Variants in ATM observed in about 807,000 individuals in gnomAD.
The protein encoded by ATM is serine-protein kinase ATM.
ATM carries 308 observed loss-of-function variants against 387.0 expected under a neutral mutation model. That is an observed-to-expected ratio of 0.80 (90% CI 0.73 to 0.87). ATM has a LOEUF of 0.87. ATM is among the 40% of genes least tolerant of loss of function. The pLI is 0.00. For missense variants in ATM, 3,312 were observed against 3,560.9 expected (o/e 0.93, Z 1.78); for synonymous variants, 1,156 against 1,187.3 (o/e 0.97, Z 0.54).
intron 53 of ATM, among the ~76,000 whole-genome samples, chr11:108,333,544 T>C (rs2086509206): frequency 1.3e-5 from 2 of 152,242 alleles, no homozygotes; most frequent in Admixed American, 1.3e-4. Context: ...TGACATGTCT[T>C]TTAGTTGCAT....
rs1168425290 is a variant in ATM at position 108,235,788 on chromosome 11, T to A, written c.450T>A (p.Leu150=). The A allele has an allele frequency of 1.2e-6, 2 of 1,613,770 alleles. No individual in the cohort carries two copies. The highest frequency in any genetic ancestry group is 2.7e-5 in the African/African-American group (2 of 74,912). The change falls in exon 5 of 63, where the codon CTT becomes CTA. Residue 150 remains leucine, a synonymous_variant. Transcript: ENST00000675843. The part of the protein sequence containing the change: ...DCSNILLKDI[L]SVRKYWCEIS... The stretch of plus-strand genomic sequence containing the variant: ...GCAACATACTACTCAAAGACATTCT[T>A]TCTGTGAGAAAATACTGGTGTGAAA...
At chr11:108,328,441 T>C (rs2085911667) in intron 48 of ATM, among the ~76,000 whole-genome samples, 1 of 152,152 alleles carries the variant, frequency 6.6e-6, no homozygotes, top group East Asian at 1.9e-4. Flanking sequence ...AGAGACGGTT[T>C]CGCCACATTG....
chr11:108,229,930 C>G (rs1467432471), intron 4 of ATM: 1 of 152,720 alleles, frequency 6.5e-6, no homozygotes, highest in African/African-American at 2.4e-5. Context: ...CAGTCCTCCC[C>G]CTGCTCAGCC....
chr11:108,290,363 C>T (rs2082717355), intron 29 of ATM: 1 of 152,048 alleles, frequency 6.6e-6, no homozygotes, highest in African/African-American at 2.4e-5. Flanking sequence ...TGGTAGCTCA[C>T]ACCTATAATC....
chr11:108,242,738 A>T (rs894572789), intron 5 of ATM, among the ~76,000 whole-genome samples: 1 of 152,100 alleles, frequency 6.6e-6, no homozygotes, highest in African/African-American at 2.4e-5. Flanking sequence ...AACTCAGTCC[A>T]CTGTTTTCGC....
intron 59 of ATM, among the ~76,000 whole-genome samples, chr11:108,352,231 C>A (rs2089296911): frequency 6.6e-6 from 1 of 152,024 alleles, no homozygotes; most frequent in South Asian, 2.1e-4. Context: ...TTTAAAGCAG[C>A]CATCATAAAA....
rs757510349 is a variant in ATM at position 108,284,247 on chromosome 11, T to G, written c.3767T>G (p.Ile1256Ser). The change falls in exon 26 of 63, where the codon ATT becomes AGT. Residue 1256 changes from isoleucine (I) to serine (S), a missense_variant. Physicochemically the swap from Ile to Ser is moderately radical, Grantham distance 142. Around this residue, in one of 4 missense-constraint regions of ATM, gnomAD observed 1,791 missense variants for 1,804.5 expected, o/e 0.99. Coordinates refer to ENST00000675843, the MANE Select transcript of ATM (RefSeq NM_000051.4). Reference protein sequence around the residue: ...DFYRSCYKVLIPHLVIRSHFD... With the variant: ...DFYRSCYKVLSPHLVIRSHFD... ...TTTAGATCTTGTTATAAGGTTTTGA[T>G]TCCACATCTGGTGATTAGAAGTCAT... 6.2e-7 allele frequency: 1 copy of G among 1,610,786 alleles called. No individual in the cohort carries two copies. The highest frequency in any genetic ancestry group is 8.5e-7 in the Non-Finnish European group (1 of 1,177,222).
intron 56 of ATM, among the ~76,000 whole-genome samples, chr11:108,343,012 A>G (rs2087776585): frequency 6.6e-6 from 1 of 152,182 alleles, no homozygotes; most frequent in Non-Finnish European, 1.5e-5. Context: ...CAGGCTCTCA[A>G]ACATCTAGGC....
intron 7 of ATM, among the ~76,000 whole-genome samples, chr11:108,245,618 G>GT (rs1056810108): frequency 2.0e-5 from 3 of 151,942 alleles, no homozygotes; most frequent in African/African-American, 7.3e-5. Context: ...TACCAAGAGA[G>GT]TATTGCCCAG....
At chr11:108,305,490 G>A (rs2083642626) in intron 37 of ATM, among the ~76,000 whole-genome samples, 1 of 152,072 alleles carries the variant, frequency 6.6e-6, no homozygotes, top group African/African-American at 2.4e-5. Flanking sequence ...TGAGGCAGGA[G>A]AATCACTTGA....
chr11:108,256,469 T>C (rs1460114145), intron 14 of ATM, 129 bp downstream of exon 14: 6 of 888,532 alleles, frequency 6.8e-6, no homozygotes, highest in Non-Finnish European at 1.0e-5. Flanking sequence ...ATTTATGTAA[T>C]GTGAGAAGAA....
At chr11:108,346,457 G>A (rs1162734899) in intron 58 of ATM, 1 of 151,826 alleles carries the variant, frequency 6.6e-6, no homozygotes, top group Non-Finnish European at 1.5e-5. Context: ...CCTAGAGTAT[G>A]AGAACTAATG....
In ATM at chr11:108,365,067, G is replaced by A. The variant is rs1222455348; in HGVS notation, c.8851-15G>A. On this transcript the variant is annotated splice_polypyrimidine_tract_variant and intron_variant, in intron 61 of 62. Coordinates refer to ENST00000675843, the MANE Select transcript of ATM (RefSeq NM_000051.4). ...TGTACATTGTTCTTTTAATACATAT[G>A]TTCTCTCTGTTTAGGTCCTTCTATA... The A allele has an allele frequency of 6.2e-7, 1 of 1,613,270 alleles. No individual in the cohort carries two copies. The highest frequency in any genetic ancestry group is 1.7e-5 in the Admixed American group (1 of 59,994).
intron 54 of ATM, 100 bp from the exon 55 acceptor site, chr11:108,334,869 T>G: frequency 7.2e-7 from 1 of 1,387,078 alleles, no homozygotes; most frequent in Non-Finnish European, 1.0e-6. Flanking sequence ...TCGTCATTTG[T>G]TTCTCTGTTT....
intron 45 of ATM, 147 bp downstream of exon 45, chr11:108,321,567 G>C: frequency 1.7e-6 from 2 of 1,205,508 alleles, no homozygotes; most frequent in Middle Eastern, 2.5e-4. Flanking sequence ...TGGATCACTT[G>C]AGGTCAGGAG....
intron 18 of ATM, among the ~76,000 whole-genome samples, chr11:108,269,271 CT>C (rs4987973): frequency 0.024 from 3,593 of 152,094 alleles, 105 homozygotes; most frequent in African/African-American, 0.074. Flanking sequence ...TGGAACAGTT[CT>C]TTTTTTTATT....
In ATM at chr11:108,235,848, G is replaced by C. The variant is rs776887214; in HGVS notation, c.496+14G>C. 8 of 1,613,570 alleles carry C rather than the reference G, an allele frequency of 5.0e-6. No homozygotes were observed. The highest frequency in any genetic ancestry group is 6.8e-6 in the Non-Finnish European group (8 of 1,179,708). On this transcript the variant is annotated intron_variant, in intron 5 of 62. Transcript: ENST00000675843. ...AACAGTGGTTAGGTATGTTTTGAAG[G>C]TTGTTGTTTGTGAATTTTTCCTCAT...
chr11:108,307,477 G>A (rs2083780370), intron 37 of ATM, among the ~76,000 whole-genome samples: 1 of 152,024 alleles, frequency 6.6e-6, no homozygotes, highest in Non-Finnish European at 1.5e-5. Context: ...AACTTTTCTT[G>A]TCTAGGTGAG....
chr11:108,304,945 A>G, intron 37 of ATM, 93 bp downstream of exon 37: 1 of 1,416,732 alleles, frequency 7.1e-7, no homozygotes, highest in Non-Finnish European at 9.7e-7. Context: ...ACTTTACAGG[A>G]TTAAATCTAT....
Sources: gnomAD v4.1 joint callset for allele counts (sites outside exome capture counted in the v4.1 genomes callset) on GRCh38, gnomAD v4.1.1 for gene constraint, gnomAD v4.1.1 regional missense constraint, MANE v1.5 for transcripts, NCBI Gene and HGNC (gene_info 2026-07-23, HGNC 2026-07-21) for gene names.